The following PTPN4 variants were observed in gnomAD, a reference collection of about 807,000 sequenced individuals.
PTPN4 encodes the protein protein tyrosine phosphatase non-receptor type 4, also known as tyrosine-protein phosphatase non-receptor type 4.
In PTPN4, 49 loss-of-function variants were observed where a neutral mutation model predicts 135.5. That is an observed-to-expected ratio of 0.36 (90% CI 0.29 to 0.46). PTPN4 has a LOEUF of 0.46. Among genes scored for constraint, PTPN4 ranks in the 20% least tolerant of loss-of-function variants. The probability of loss-of-function intolerance (pLI) is 1.00; values close to 1 mark genes in which losing one functional copy is unlikely to be tolerated. For synonymous variants in PTPN4, 333 were observed against 369.9 expected (o/e 0.90, Z 1.14); for missense variants, 860 against 1,101.0 (o/e 0.78, Z 3.10).
intron 2 of PTPN4, among the ~76,000 whole-genome samples, chr2:119,853,962 C>A (rs577406479): frequency 6.6e-6 from 1 of 152,198 alleles, no homozygotes; most frequent in South Asian, 2.1e-4. Flanking sequence ...GGAAAAGGCT[C>A]CCCCATAGAG....
intron 2 of PTPN4, among the ~76,000 whole-genome samples, chr2:119,855,511 A>G (rs1016774743): frequency 1.3e-5 from 2 of 152,294 alleles, no homozygotes; most frequent in African/African-American, 4.8e-5. Flanking sequence ...CCTTCTTTAC[A>G]TATAATAGGG....
chr2:119,963,768 A>G lies in PTPN4; in HGVS notation c.2409+1024A>G, dbSNP rs573665914. Among the ~76,000 whole-genome samples, 20 of 152,338 alleles carry G rather than the reference A, an allele frequency of 1.3e-4. No individual in the cohort carries two copies. In the East Asian group the frequency reaches 3.9e-3, roughly 29 times the overall value. ...TACTGTGTAGCTCATGGTCTAATGT[A>G]ACAGGTCAAGCCAATATGATATTTC... On this transcript the variant is annotated intron_variant, in intron 24 of 26. Coordinates refer to ENST00000263708, the MANE Select transcript of PTPN4 (RefSeq NM_002830.4).
At chr2:119,915,135 TATC>T (rs1334272359) in intron 10 of PTPN4, 41 bp from the exon 11 acceptor site, 1 of 1,411,808 alleles carries the variant, frequency 7.1e-7, no homozygotes, top group Non-Finnish European at 9.5e-7. Context: ...TTAATATTTT[TATC>T]ATTATTCAAT....
intron 2 of PTPN4, among the ~76,000 whole-genome samples, chr2:119,836,802 GGT>G (rs1232064065): frequency 6.6e-6 from 1 of 152,172 alleles, no homozygotes; most frequent in East Asian, 1.9e-4. Flanking sequence ...GACCTAGCTG[GGT>G]GTGTGTGTGC....
chr2:119,935,674 G>T (rs1490335436), intron 15 of PTPN4, among the ~76,000 whole-genome samples: 1 of 152,144 alleles, frequency 6.6e-6, no homozygotes, highest in African/African-American at 2.4e-5. Flanking sequence ...GAATTAGTTG[G>T]CAAGAAATAG....
At chr2:119,838,630 T>C (rs1677333078) in intron 2 of PTPN4, among the ~76,000 whole-genome samples, 1 of 152,238 alleles carries the variant, frequency 6.6e-6, no homozygotes, top group African/African-American at 2.4e-5. Flanking sequence ...GACCAGTCTC[T>C]TCATCTTTAG....
chr2:119,918,854 A>T (rs1323844580), intron 11 of PTPN4, among the ~76,000 whole-genome samples: 1 of 152,250 alleles, frequency 6.6e-6, no homozygotes, highest in Non-Finnish European at 1.5e-5. Flanking sequence ...AGTAAAGTGG[A>T]TAAGTTAACT....
At chr2:119,891,148 G>A (rs774772976) in intron 9 of PTPN4, among the ~76,000 whole-genome samples, 1 of 152,052 alleles carries the variant, frequency 6.6e-6, no homozygotes, top group Non-Finnish European at 1.5e-5. Flanking sequence ...TTTCAGGAAG[G>A]CTTTGCTCAT....
chr2:119,962,724 A>T lies in PTPN4; in HGVS notation c.2389A>T (p.Met797Leu). 6.3e-7 allele frequency: 1 copy of T among 1,584,822 alleles called. No individual in the cohort carries two copies. The highest frequency in any genetic ancestry group is 1.1e-5 in the South Asian group (1 of 86,972). ...AAACACTGCCTATATCTTCAGGAAG[A>T]TGACCCTATTTAACCAAGAGGTAAG... ...EGNTAYIFRKMTLFNQEKNES... is the reference protein window; with the variant it reads ...EGNTAYIFRKLTLFNQEKNES... The change falls in exon 24 of 27, where the codon ATG (methionine) becomes TTG (leucine). Residue 797 changes from methionine to leucine, a missense_variant. Met to Leu is a conservative substitution (Grantham distance 15). This residue lies in a region of PTPN4 where 176 missense variants were observed against 294.1 expected (regional missense o/e 0.60). Transcript: ENST00000263708.
intron 18 of PTPN4, among the ~76,000 whole-genome samples, chr2:119,947,762 CCACACACACACA>C (rs3084728): frequency 6.8e-5 from 10 of 147,140 alleles, no homozygotes; most frequent in Non-Finnish European, 1.4e-4. Context: ...AACACCACTA[CCACACACACACA>C]CACACACACA....
chr2:119,955,070 C>T (rs1679260929), intron 19 of PTPN4, 87 bp from the exon 20 acceptor site: 1 of 1,220,602 alleles, frequency 8.2e-7, no homozygotes. Context: ...TTGAACAAAA[C>T]ATTATACAGT....
chr2:119,878,286 C>G (rs1678015427), intron 5 of PTPN4, among the ~76,000 whole-genome samples: 1 of 152,050 alleles, frequency 6.6e-6, no homozygotes. Context: ...CAGTATTAAC[C>G]TGAATGACAA....
At chr2:119,965,093 A>G (rs1679426794) in intron 24 of PTPN4, among the ~76,000 whole-genome samples, 4 of 152,126 alleles carry the variant, frequency 2.6e-5, no homozygotes, top group Non-Finnish European at 5.9e-5. Flanking sequence ...TGGTTGGGAT[A>G]AGGTGGATGA....
At chr2:119,929,288 C>G (rs926840567) in intron 13 of PTPN4, among the ~76,000 whole-genome samples, 1 of 151,956 alleles carries the variant, frequency 6.6e-6, no homozygotes, top group Admixed American at 6.6e-5. Flanking sequence ...CCAAAATTCT[C>G]TAATGGTTTT....
chr2:119,856,966 C>T (rs570345030), intron 2 of PTPN4, among the ~76,000 whole-genome samples: 3 of 152,160 alleles, frequency 2.0e-5, no homozygotes, highest in East Asian at 1.9e-4. Flanking sequence ...GAGGTAGACA[C>T]GGCAAAAAGT....
intron 2 of PTPN4, among the ~76,000 whole-genome samples, chr2:119,844,063 C>T (rs1677430188): frequency 4.2e-5 from 1 of 23,910 alleles, no homozygotes; most frequent in Non-Finnish European, 8.5e-5. Flanking sequence ...GGCAGAGGCG[C>T]CCCTCACCTC....
chr2:119,795,432 G>A (rs949780504), intron 1 of PTPN4, among the ~76,000 whole-genome samples: 5 of 152,238 alleles, frequency 3.3e-5, no homozygotes, highest in African/African-American at 9.6e-5. Context: ...CCCCCTCCTC[G>A]GCCTTTCTCC....
chr2:119,840,989 G>A (rs1421315225), intron 2 of PTPN4, among the ~76,000 whole-genome samples: 2 of 151,744 alleles, frequency 1.3e-5, no homozygotes, highest in African/African-American at 4.8e-5. Context: ...TTTGTCAGAT[G>A]GATAGATTGC....
chr2:119,813,056 C>G (rs578110674), intron 2 of PTPN4, among the ~76,000 whole-genome samples: 1 of 152,150 alleles, frequency 6.6e-6, no homozygotes, highest in South Asian at 2.1e-4. Flanking sequence ...TTCACACACA[C>G]ACACAAAAGG....
Sources: gnomAD v4.1 joint callset for allele counts (sites outside exome capture counted in the v4.1 genomes callset) on GRCh38, gnomAD v4.1.1 for gene constraint, gnomAD v4.1.1 regional missense constraint, MANE v1.5 for transcripts, NCBI Gene and HGNC (gene_info 2026-07-23, HGNC 2026-07-21) for gene names.